Variants in ZNF771 observed in about 807,000 individuals in gnomAD.
ZNF771 encodes mesenchymal stem cell protein DSC43.
Under a neutral mutation model 27.6 loss-of-function variants are expected in ZNF771, and 10 were observed. The observed-to-expected ratio is 0.36, with a 90% CI of 0.22 to 0.61. The LOEUF is 0.61. Among genes scored for constraint, ZNF771 ranks in the 20% least tolerant of loss-of-function variants. ZNF771 has a pLI of 0.70. For synonymous variants in ZNF771, 261 were observed against 225.2 expected, an observed-to-expected ratio of 1.16 and a Z score of -1.43; for missense variants, 438 against 503.7, an observed-to-expected ratio of 0.87 and a Z score of 1.25.
In ZNF771 at chr16:30,418,524, C is replaced by T; in HGVS notation, c.*157C>T. The T allele has an allele frequency of 1.4e-6, 1 of 701,108 alleles. No individual in the cohort carries two copies. The allele number at this position is 701,108 out of a possible 1,614,324, so 43.4% of individuals were successfully genotyped here. A position where few individuals can be genotyped will look rare whatever the true frequency, so the allele number is the denominator to read the frequency against. On this transcript the variant is annotated 3_prime_UTR_variant, in exon 3 of 3. Coordinates refer to ENST00000319296, the MANE Select transcript of ZNF771 (RefSeq NM_001142305.2). ...CAGGGAGAATCCCCTGCCGGGGTCC[C>T]TGGAAACAGTGCCCACCCCACATCA...
At chr16:30,411,073 C>A (rs1160182290) in intron 2 of ZNF771, among the ~76,000 whole-genome samples, 3 of 151,402 alleles carry the variant, frequency 2.0e-5, no homozygotes, top group Non-Finnish European at 4.4e-5. Flanking sequence ...AATCCCAGCA[C>A]TTTGGGAGGC....
intron 2 of ZNF771, among the ~76,000 whole-genome samples, chr16:30,416,603 A>T (rs1397853450): frequency 6.6e-6 from 1 of 152,152 alleles, no homozygotes; most frequent in Non-Finnish European, 1.5e-5. Flanking sequence ...GGTATGAGCC[A>T]CTATCTTCTC....
Position 30,417,836 on chromosome 16 carries a change from C to G in ZNF771, c.423C>G (p.His141Gln). The change falls in exon 3 of 3, where the codon CAC becomes CAG. Residue 141 changes from histidine to glutamine, a missense_variant. His to Gln is a conservative substitution (Grantham distance 24). This residue lies in a region of ZNF771 where 305 missense variants were observed against 308.0 expected (regional missense o/e 0.99). Transcript: ENST00000319296. ...ACCTGCGGCAGCACCGGCGGCGGCACACGGGCGAGAAGCCGTACGCATGCG... is the reference window on the plus strand; with the variant it reads ...ACCTGCGGCAGCACCGGCGGCGGCAGACGGGCGAGAAGCCGTACGCATGCG... The part of the protein sequence containing the change: ...ASNLRQHRRR[H>Q]TGEKPYACAH... 1 of 1,501,544 alleles carries G rather than the reference C, an allele frequency of 6.7e-7. No homozygotes were observed. Among genetic ancestry groups the G allele is most frequent in the Non-Finnish European group, 8.8e-7 (1 of 1,133,716 alleles). The allele number at this position is 1,501,544 out of a possible 1,614,324, so 93.0% of individuals were successfully genotyped here.
chr16:30,408,300 C>T (rs1196015456), intron 2 of ZNF771, 106 bp downstream of exon 2: 1 of 1,515,710 alleles, frequency 6.6e-7, no homozygotes, highest in African/African-American at 1.4e-5. Context: ...CCCAGAATCT[C>T]GGATCTAAAA....
chr16:30,412,144 C>T (rs1235296665), intron 2 of ZNF771, among the ~76,000 whole-genome samples: 3 of 152,134 alleles, frequency 2.0e-5, no homozygotes, highest in African/African-American at 4.8e-5. Flanking sequence ...GGTCTCAGCC[C>T]GCAAAGCCCT....
chr16:30,417,434 G>A (rs1489116068), intron 2 of ZNF771, 121 bp from the exon 3 acceptor site: 3 of 586,290 alleles, frequency 5.1e-6, no homozygotes, highest in Non-Finnish European at 7.2e-6. Context: ...AGGCAGCACC[G>A]TGGCCTTTCC....
intron 2 of ZNF771, among the ~76,000 whole-genome samples, chr16:30,412,772 C>G (rs1253211764): frequency 6.6e-6 from 1 of 150,824 alleles, no homozygotes. Context: ...GCCTGGGTGA[C>G]ACAGTGAGAC....
rs2050152046 is a variant in ZNF771, at chr16:30,418,690, G to A, written c.*323G>A. 1 of 338,294 alleles carries A rather than the reference G, an allele frequency of 3.0e-6. No homozygotes were observed. The highest frequency in any genetic ancestry group is 1.1e-4 in the South Asian group (1 of 9,050). The allele number at this position is 338,294 out of a possible 1,614,324, so 21.0% of individuals were successfully genotyped here. A position where few individuals can be genotyped will look rare whatever the true frequency, so the allele number is the denominator to read the frequency against. ...AAGTGAGTTGTCAAGGAACCAAATG[G>A]GGATGTAAACCTAAAAGGGGTTCCC... On this transcript the variant is annotated 3_prime_UTR_variant, in exon 3 of 3. Transcript: ENST00000319296.
At chr16:30,413,671 G>A (rs1315711598) in intron 2 of ZNF771, 2 of 366,694 alleles carry the variant, frequency 5.5e-6, no homozygotes, top group Non-Finnish European at 1.1e-5. Flanking sequence ...TTGGGCTCAA[G>A]TGATCCTCCT....
At chr16:30,414,182 T>C (rs1230010441) in intron 2 of ZNF771, 1 of 152,172 alleles carries the variant, frequency 6.6e-6, no homozygotes, top group East Asian at 1.9e-4. Context: ...TGTATTGAAA[T>C]AAACCAATAG....
intron 2 of ZNF771, among the ~76,000 whole-genome samples, chr16:30,409,265 C>T (rs1419425637): frequency 6.6e-6 from 1 of 152,108 alleles, no homozygotes; most frequent in Non-Finnish European, 1.5e-5. Context: ...TGTGAGCCAC[C>T]GTATCCAGCC....
At chr16:30,409,304 A>G (rs554568050) in intron 2 of ZNF771, among the ~76,000 whole-genome samples, 2 of 152,176 alleles carry the variant, frequency 1.3e-5, no homozygotes, top group South Asian at 4.1e-4. Context: ...GGCTCAGACG[A>G]GTGAGTAGTG....
At position 30,412,442 on chromosome 16, in the gene ZNF771, CA is replaced by C. The variant is rs1205745332; in HGVS notation, c.141+4249del. On this transcript the variant is annotated intron_variant, in intron 2 of 2. Transcript: ENST00000319296. ...GAAGACTGTGACCGCAAAAAGGGGCCAGGGGAGGGAGACAAGCTGTGTAAGT... is the reference window on the plus strand; with the variant it reads ...GAAGACTGTGACCGCAAAAAGGGGCCGGGGAGGGAGACAAGCTGTGTAAGT... 3.3e-5 allele frequency among the ~76,000 whole-genome samples: 5 copies of C among 152,244 alleles called. No homozygotes were observed. In the East Asian group the frequency reaches 7.7e-4, roughly 23 times the overall value.
intron 2 of ZNF771, among the ~76,000 whole-genome samples, chr16:30,417,117 C>T (rs1448212330): frequency 6.6e-6 from 1 of 152,178 alleles, no homozygotes; most frequent in Non-Finnish European, 1.5e-5. Context: ...AGAGGGCTAT[C>T]CACGTAGCCT....
chr16:30,407,633 C>G lies in ZNF771; in HGVS notation c.-41C>G, dbSNP rs1481493384. On this transcript the variant is annotated 5_prime_UTR_variant, in exon 1 of 3. Transcript: ENST00000319296. ...GTGCCCAGCCGCCCGGCGCCCAGGC[C>G]TGGGGCACCGCGAGTGCCGAACCTT... The G allele has an allele frequency of 6.3e-6, 1 of 159,750 alleles. No homozygotes were observed. Among genetic ancestry groups the G allele is most frequent in the Non-Finnish European group, 1.4e-5 (1 of 72,802 alleles). The allele number at this position is 159,750 out of a possible 1,614,324, so 9.9% of individuals were successfully genotyped here. A position where few individuals can be genotyped will look rare whatever the true frequency, so the allele number is the denominator to read the frequency against.
At chr16:30,409,122 G>A (rs1399735759) in intron 2 of ZNF771, among the ~76,000 whole-genome samples, 1 of 152,056 alleles carries the variant, frequency 6.6e-6, no homozygotes, top group African/African-American at 2.4e-5. Flanking sequence ...TTACAGGCAT[G>A]CACCACCACG....
chr16:30,410,208 T>C (rs2050096528), intron 2 of ZNF771, among the ~76,000 whole-genome samples: 1 of 151,890 alleles, frequency 6.6e-6, no homozygotes, highest in Non-Finnish European at 1.5e-5. Flanking sequence ...GTTCATGCCA[T>C]TCTCCTGCCT....
At chr16:30,415,585 C>T (rs759415530) in intron 2 of ZNF771, among the ~76,000 whole-genome samples, 1 of 151,716 alleles carries the variant, frequency 6.6e-6, no homozygotes, top group African/African-American at 2.4e-5. Context: ...GTTTCAACAT[C>T]TTGGCTAGGC....
Position 30,418,217 on chromosome 16 carries a change from C to T in ZNF771, c.804C>T (p.Phe268=). Residue 268 remains phenylalanine, a synonymous_variant, in exon 3 of 3, where the codon TTC becomes TTT. Coordinates refer to ENST00000319296, the MANE Select transcript of ZNF771 (RefSeq NM_001142305.2). ...PYPCAECGRR[F]RLSSHFIRHR... Reference sequence around the variant, plus strand: ...CCTGCGCCGAGTGCGGCCGCCGCTTCCGCCTAAGCTCGCACTTCATTCGCC... The same window carrying T: ...CCTGCGCCGAGTGCGGCCGCCGCTTTCGCCTAAGCTCGCACTTCATTCGCC... The T allele has an allele frequency of 6.6e-7, 1 of 1,508,936 alleles. No individual in the cohort carries two copies. The highest frequency in any genetic ancestry group is 8.8e-7 in the Non-Finnish European group (1 of 1,135,498). The allele number at this position is 1,508,936 out of a possible 1,614,324, so 93.5% of individuals were successfully genotyped here. A position where few individuals can be genotyped will look rare whatever the true frequency, so the allele number is the denominator to read the frequency against.
Sources: allele counts gnomAD v4.1 joint callset (sites outside exome capture counted in the v4.1 genomes callset), GRCh38; gene constraint gnomAD v4.1.1; regional missense constraint gnomAD v4.1.1; transcripts MANE v1.5; gene names NCBI Gene and HGNC (gene_info 2026-07-23, HGNC 2026-07-21).